Variants in MEF2A observed in about 807,000 individuals in gnomAD.
MEF2A encodes myocyte enhancer factor 2A.
A neutral mutation model predicts 55.8 loss-of-function variants in MEF2A; 28 were observed. The observed-to-expected ratio is 0.50, with a 90% CI of 0.37 to 0.69. MEF2A has a LOEUF of 0.69. MEF2A is among the 30% of genes least tolerant of loss of function. The pLI is 0.00. For missense variants in MEF2A, 528 were observed against 626.2 expected, an observed-to-expected ratio of 0.84 and a Z score of 1.67; for synonymous variants, 239 against 227.1, an observed-to-expected ratio of 1.05 and a Z score of -0.47.
At chr15:99,573,432 C>T (rs1342861386) in intron 1 of MEF2A, among the ~76,000 whole-genome samples, 3 of 152,100 alleles carry the variant, frequency 2.0e-5, no homozygotes, top group Non-Finnish European at 4.4e-5. Context: ...AACATACGGT[C>T]ATTATTCTAA....
chr15:99,577,753 G>A (rs922731152), intron 1 of MEF2A, among the ~76,000 whole-genome samples: 2 of 152,126 alleles, frequency 1.3e-5, no homozygotes, highest in African/African-American at 2.4e-5. Context: ...TTAGTCTCCT[G>A]AAATCTGTGA....
At chr15:99,657,195 G>A (rs2047882343) in intron 4 of MEF2A, among the ~76,000 whole-genome samples, 1 of 151,830 alleles carries the variant, frequency 6.6e-6, no homozygotes, top group Non-Finnish European at 1.5e-5. Flanking sequence ...GTTTTGGTAT[G>A]GGTATAAGTT....
At chr15:99,687,744 T>G (rs1013516398) in intron 7 of MEF2A, among the ~76,000 whole-genome samples, 4 of 152,232 alleles carry the variant, frequency 2.6e-5, no homozygotes, top group South Asian at 2.1e-4. Context: ...TTGCCCATAT[T>G]GTGAGTATAA....
At chr15:99,699,723 A>C (rs2057078961) in intron 8 of MEF2A, among the ~76,000 whole-genome samples, 1 of 152,236 alleles carries the variant, frequency 6.6e-6, no homozygotes, top group Non-Finnish European at 1.5e-5. Flanking sequence ...AAATTGTAGC[A>C]AATCACTGTG....
At chr15:99,639,053 A>C (rs1309071980) in intron 3 of MEF2A, among the ~76,000 whole-genome samples, 1 of 152,220 alleles carries the variant, frequency 6.6e-6, no homozygotes, top group East Asian at 1.9e-4. Flanking sequence ...AAAAAGAAAG[A>C]AAGCAGTTTA....
At chr15:99,676,439 C>G (rs1368770892) in intron 7 of MEF2A, among the ~76,000 whole-genome samples, 1 of 151,570 alleles carries the variant, frequency 6.6e-6, no homozygotes, top group African/African-American at 2.4e-5. Context: ...TCAGGGCCCA[C>G]CAAGAATTGT....
At chr15:99,652,950 G>T (rs1480645650) in intron 4 of MEF2A, among the ~76,000 whole-genome samples, 1 of 152,110 alleles carries the variant, frequency 6.6e-6, no homozygotes, top group Non-Finnish European at 1.5e-5. Context: ...AAGATGATAT[G>T]CTGGCTATTT....
At chr15:99,577,086 G>T (rs1305271992) in intron 1 of MEF2A, among the ~76,000 whole-genome samples, 1 of 152,156 alleles carries the variant, frequency 6.6e-6, no homozygotes, top group Non-Finnish European at 1.5e-5. Context: ...TAACCTTTCT[G>T]GGCATCACTT....
chr15:99,642,149 CT>C (rs1189379552), intron 3 of MEF2A, among the ~76,000 whole-genome samples: 1 of 152,112 alleles, frequency 6.6e-6, no homozygotes, highest in Non-Finnish European at 1.5e-5. Flanking sequence ...GGCCCTATTT[CT>C]TTTCCCCAGA....
chr15:99,585,703 A>G (rs201031238), intron 1 of MEF2A, among the ~76,000 whole-genome samples: 2 of 68,256 alleles, frequency 2.9e-5, no homozygotes, highest in African/African-American at 6.2e-5. Context: ...TTACATGCTT[A>G]CTTAATTCTC....
chr15:99,674,968 A>C (rs1178944160), intron 6 of MEF2A, among the ~76,000 whole-genome samples: 1 of 152,128 alleles, frequency 6.6e-6, no homozygotes, highest in Non-Finnish European at 1.5e-5. Flanking sequence ...TTGGAGTTAG[A>C]GTATCTTTTA....
chr15:99,643,003 A>T (rs2045304239), intron 3 of MEF2A, among the ~76,000 whole-genome samples: 1 of 152,218 alleles, frequency 6.6e-6, no homozygotes, highest in Non-Finnish European at 1.5e-5. Flanking sequence ...TTCCATTTTG[A>T]ATTTAAAACT....
chr15:99,607,643 A>T (rs553291494), intron 2 of MEF2A, among the ~76,000 whole-genome samples: 2 of 152,338 alleles, frequency 1.3e-5, no homozygotes, highest in Non-Finnish European at 2.9e-5. Context: ...CATTTTACAA[A>T]TGAGGGAGCA....
chr15:99,583,789 G>T (rs1484923036), intron 1 of MEF2A, among the ~76,000 whole-genome samples: 1 of 152,084 alleles, frequency 6.6e-6, no homozygotes, highest in Non-Finnish European at 1.5e-5. Context: ...ACTGATTATA[G>T]ATTTGAGGTG....
chr15:99,600,909 A>G (rs1972749831), intron 2 of MEF2A, among the ~76,000 whole-genome samples: 2 of 152,140 alleles, frequency 1.3e-5, no homozygotes. Context: ...GTAGTTTAGA[A>G]TCAGCTTCTT....
At chr15:99,645,869 G>A (rs1007673900) in intron 4 of MEF2A, 105 bp downstream of exon 4, 1 of 779,242 alleles carries the variant, frequency 1.3e-6, no homozygotes, top group Non-Finnish European at 2.0e-6. Context: ...TAAATTAGGT[G>A]TATATGTATC....
At chr15:99,643,478 T>A (rs2045393457) in intron 3 of MEF2A, among the ~76,000 whole-genome samples, 1 of 152,232 alleles carries the variant, frequency 6.6e-6, no homozygotes, top group Admixed American at 6.5e-5. Flanking sequence ...TCCTTATTGC[T>A]TTCCTCCATT....
rs1597365240 is a variant in MEF2A, at chr15:99,714,766, A to G, written c.*1995A>G. On this transcript the variant is annotated 3_prime_UTR_variant, in exon 12 of 12. Transcript: ENST00000557942. The stretch of plus-strand genomic sequence containing the variant: ...CTATTTTATATTTTAAATGATATTG[A>G]GCAGCTACCTACAATTTCTATGTAC... 6.6e-6 allele frequency: 1 copy of G among 151,800 alleles called. No homozygotes were observed. 9.4% of individuals were successfully genotyped at this position (151,800 alleles called of 1,614,324 possible). A position where few individuals can be genotyped will look rare whatever the true frequency, so the allele number is the denominator to read the frequency against.
chr15:99,602,472 G>A (rs1459890382), intron 2 of MEF2A, among the ~76,000 whole-genome samples: 2 of 152,112 alleles, frequency 1.3e-5, no homozygotes, highest in African/African-American at 4.8e-5. Context: ...TAATGCGCAT[G>A]CTGGAGCCCA....
Sources: gnomAD v4.1 joint callset for allele counts (sites outside exome capture counted in the v4.1 genomes callset) on GRCh38, gnomAD v4.1.1 for gene constraint, MANE v1.5 for transcripts, NCBI Gene and HGNC (gene_info 2026-07-23, HGNC 2026-07-21) for gene names.